PPP4R3B: variants seen among roughly 807,000 people sequenced by gnomAD.
PPP4R3B encodes protein phosphatase 4 regulatory subunit 3B.
Under a neutral mutation model 95.4 loss-of-function variants are expected in PPP4R3B, and 52 were observed. That is an observed-to-expected ratio of 0.54 (90% CI 0.44 to 0.69). The LOEUF is 0.69. PPP4R3B is among the 30% of genes least tolerant of loss of function. The probability of loss-of-function intolerance (pLI) is 0.00; values close to 1 mark genes in which losing one functional copy is unlikely to be tolerated. For missense variants in PPP4R3B, 1,003 were observed against 1,005.9 expected, an observed-to-expected ratio of 1.00 and a Z score of 0.04; for synonymous variants, 407 against 343.9, an observed-to-expected ratio of 1.18 and a Z score of -2.03.
At chr2:55,607,236 A>G (rs1334716844) in intron 2 of PPP4R3B, among the ~76,000 whole-genome samples, 3 of 152,218 alleles carry the variant, frequency 2.0e-5, no homozygotes, top group African/African-American at 7.2e-5. Flanking sequence ...AATCAGTTCC[A>G]TATTAGACAC....
At chr2:55,564,584 G>A in intron 14 of PPP4R3B, 87 bp from the exon 15 acceptor site, 1 of 1,171,326 alleles carries the variant, frequency 8.5e-7, no homozygotes, top group South Asian at 1.7e-5. Context: ...TAACCAAGAT[G>A]AACTGAAGTA....
At chr2:55,591,203 C>T (rs920590331) in intron 4 of PPP4R3B, among the ~76,000 whole-genome samples, 2 of 150,906 alleles carry the variant, frequency 1.3e-5, no homozygotes, top group African/African-American at 4.9e-5. Context: ...GTGGTACAAA[C>T]GTGGCTCAGT....
intron 15 of PPP4R3B, among the ~76,000 whole-genome samples, chr2:55,562,244 A>G (rs1014220219): frequency 2.6e-5 from 4 of 152,270 alleles, no homozygotes; most frequent in African/African-American, 9.6e-5. Flanking sequence ...CAACATGGTG[A>G]AACCCCATCT....
intron 13 of PPP4R3B, among the ~76,000 whole-genome samples, chr2:55,567,744 T>C (rs543655897): frequency 6.6e-6 from 1 of 152,314 alleles, no homozygotes; most frequent in South Asian, 2.1e-4. Context: ...CATCTTTCTA[T>C]TCTTTTTAAA....
chr2:55,577,274 T>C (rs374061820), intron 11 of PPP4R3B, 41 bp downstream of exon 11: 12 of 1,526,350 alleles, frequency 7.9e-6, no homozygotes, highest in Non-Finnish European at 8.7e-6. Context: ...GAAAAAAGTT[T>C]ATAATTTGCA....
intron 7 of PPP4R3B, 79 bp downstream of exon 7, chr2:55,584,972 T>C: frequency 9.5e-7 from 1 of 1,057,250 alleles, no homozygotes; most frequent in East Asian, 2.7e-5. Flanking sequence ...AAGATTATGT[T>C]ATGTTTTTTC....
At chr2:55,615,289 T>A in intron 2 of PPP4R3B, 162 bp downstream of exon 2, 1 of 471,050 alleles carries the variant, frequency 2.1e-6, no homozygotes, top group East Asian at 5.2e-5. Flanking sequence ...GTACAAAAAC[T>A]TTTTTTCAGT....
rs1341255121 is a variant in PPP4R3B at position 55,604,031 on chromosome 2, G to A, written c.244C>T (p.Leu82=). The part of the protein sequence containing the change: ...WSEAENYDLA[L]SFQEKAGCDE... Reference sequence around the variant, plus strand: ...CAGCCAGCTTTCTCCTGAAAACTCAGAGCCAAATCATAGTTCTCTGCTTCT... The same window carrying A: ...CAGCCAGCTTTCTCCTGAAAACTCAAAGCCAAATCATAGTTCTCTGCTTCT... The change falls in exon 3 of 17, where the codon CTG becomes TTG. Residue 82 remains leucine, a synonymous_variant. Coordinates refer to ENST00000616407, the MANE Select transcript of PPP4R3B (RefSeq NM_001122964.3). 10 of 1,610,186 alleles carry A rather than the reference G, an allele frequency of 6.2e-6. No individual in the cohort carries two copies. Among genetic ancestry groups the A allele is most frequent in the Non-Finnish European group, 8.5e-6 (10 of 1,178,536 alleles).
intron 16 of PPP4R3B, among the ~76,000 whole-genome samples, chr2:55,553,770 G>A (rs979986783): frequency 1.3e-5 from 2 of 152,180 alleles, no homozygotes; most frequent in Admixed American, 6.5e-5. Context: ...TCTATGCTTA[G>A]CATATCAGGA....
chr2:55,591,062 T>C (rs1690944782), intron 4 of PPP4R3B, among the ~76,000 whole-genome samples: 1 of 152,224 alleles, frequency 6.6e-6, no homozygotes, highest in African/African-American at 2.4e-5. Context: ...TTGGACCTTA[T>C]GCACTGCAGC....
chr2:55,569,976 C>T (rs1413404837), intron 12 of PPP4R3B, among the ~76,000 whole-genome samples: 1 of 152,186 alleles, frequency 6.6e-6, no homozygotes, highest in Non-Finnish European at 1.5e-5. Flanking sequence ...TTTCCACTCA[C>T]ACTATTCTAC....
intron 12 of PPP4R3B, among the ~76,000 whole-genome samples, chr2:55,569,175 C>T (rs56364936): frequency 9.2e-5 from 14 of 152,116 alleles, no homozygotes; most frequent in Non-Finnish European, 1.6e-4. Flanking sequence ...ACCAAAAGAC[C>T]GGACAGGGCC....
chr2:55,603,905 T>G (rs1412506604), intron 3 of PPP4R3B, 73 bp downstream of exon 3: 1 of 1,053,890 alleles, frequency 9.5e-7, no homozygotes, highest in African/African-American at 1.6e-5. Flanking sequence ...CCTAATATGT[T>G]TGAAGTAAAA....
At chr2:55,586,849 G>T (rs1196022849) in intron 5 of PPP4R3B, 115 bp from the exon 6 acceptor site, 5 of 567,594 alleles carry the variant, frequency 8.8e-6, no homozygotes, top group Non-Finnish European at 1.5e-5. Context: ...TCTTTTTGGA[G>T]TATGCTGGCT....
chr2:55,600,497 G>A lies in PPP4R3B; in HGVS notation c.298-1458C>T, dbSNP rs991443651. 5.0e-5 allele frequency among the ~76,000 whole-genome samples: 7 copies of A among 139,992 alleles called. No homozygotes were observed. In the South Asian group the frequency reaches 8.9e-4, roughly 18 times the overall value. The allele number at this position is 139,992 out of a possible 152,430, so 91.8% of individuals were successfully genotyped here. ...TTAAGAAATAATTAAGTAATATGGC[G>A]CTTACTGAAATTGAAATTGTCCTTT... On this transcript the variant is annotated intron_variant, in intron 3 of 16. Coordinates refer to ENST00000616407, the MANE Select transcript of PPP4R3B (RefSeq NM_001122964.3).
At chr2:55,584,951 C>G in intron 7 of PPP4R3B, 100 bp downstream of exon 7, 1 of 932,294 alleles carries the variant, frequency 1.1e-6, no homozygotes, top group Non-Finnish European at 1.6e-6. Flanking sequence ...ATTTTGCTCC[C>G]AAGAAAGATT....
intron 5 of PPP4R3B, among the ~76,000 whole-genome samples, chr2:55,588,137 A>C (rs954979314): frequency 1.3e-5 from 2 of 152,340 alleles, no homozygotes; most frequent in Admixed American, 6.5e-5. Context: ...AAATGCTTAC[A>C]ATAAAAAATA....
At chr2:55,605,904 C>CAAA (rs35675375) in intron 2 of PPP4R3B, among the ~76,000 whole-genome samples, 10 of 86,358 alleles carry the variant, frequency 1.2e-4, no homozygotes, top group Middle Eastern at 5.4e-3. Flanking sequence ...GACTCCGTCT[C>CAAA]AAAAAAAAAA....
chr2:55,572,976 AAC>A (rs1688203765), intron 12 of PPP4R3B, among the ~76,000 whole-genome samples: 1 of 152,170 alleles, frequency 6.6e-6, no homozygotes, highest in African/African-American at 2.4e-5. Context: ...AAATATAAAA[AAC>A]ACAAAAAAAT....
Sources: gnomAD v4.1 joint callset for allele counts (sites outside exome capture counted in the v4.1 genomes callset) on GRCh38, gnomAD v4.1.1 for gene constraint, MANE v1.5 for transcripts, NCBI Gene and HGNC (gene_info 2026-07-23, HGNC 2026-07-21) for gene names.